TATDN1: variants seen among roughly 807,000 people sequenced by gnomAD.
TATDN1 encodes the protein deoxyribonuclease TATDN1.
A neutral mutation model predicts 46.4 loss-of-function variants in TATDN1; 40 were observed. The ratio of observed to expected loss-of-function variants is 0.86; its 90% CI spans 0.67 to 1.12. TATDN1 has a LOEUF of 1.12. Among genes scored for constraint, TATDN1 ranks in the 50% most tolerant of loss-of-function variants. The probability of loss-of-function intolerance (pLI) is 0.00; values close to 1 mark genes in which losing one functional copy is unlikely to be tolerated. For synonymous variants in TATDN1, 95 were observed against 105.6 expected, an observed-to-expected ratio of 0.90 and a Z score of 0.62; for missense variants, 326 against 348.4, an observed-to-expected ratio of 0.94 and a Z score of 0.51.
At chr8:124,529,090 C>G (rs1250879809) in intron 1 of TATDN1, among the ~76,000 whole-genome samples, 1 of 152,170 alleles carries the variant, frequency 6.6e-6, no homozygotes, top group Non-Finnish European at 1.5e-5. Flanking sequence ...TCCCTGCTTT[C>G]ACACCACTGT....
intron 6 of TATDN1, among the ~76,000 whole-genome samples, chr8:124,510,227 T>C: frequency 6.6e-6 from 1 of 152,102 alleles, no homozygotes; most frequent in East Asian, 1.9e-4. Flanking sequence ...AACGACAACT[T>C]GGACAAAAAG....
At chr8:124,532,389 T>A (rs1041984901) in intron 1 of TATDN1, among the ~76,000 whole-genome samples, 36 of 152,322 alleles carry the variant, frequency 2.4e-4, no homozygotes, top group African/African-American at 8.7e-4. Context: ...GCTCAAGTGA[T>A]TCTCCTGCCT....
At chr8:124,500,275 T>C (rs1817841380) in intron 9 of TATDN1, among the ~76,000 whole-genome samples, 1 of 152,198 alleles carries the variant, frequency 6.6e-6, no homozygotes, top group Non-Finnish European at 1.5e-5. Flanking sequence ...TGAATTAGAT[T>C]TGAAAATAAG....
intron 3 of TATDN1, among the ~76,000 whole-genome samples, chr8:124,520,002 G>C (rs1819884748): frequency 6.6e-6 from 1 of 152,130 alleles, no homozygotes; most frequent in African/African-American, 2.4e-5. Context: ...GTACAACTTA[G>C]GGAGAAAACA....
chr8:124,508,813 A>G (rs1818746443), intron 6 of TATDN1, 125 bp from the exon 7 acceptor site: 1 of 629,506 alleles, frequency 1.6e-6, no homozygotes, highest in East Asian at 2.9e-5. Context: ...GACAAAAATC[A>G]TGAATATTTA....
Position 124,509,245 on chromosome 8 carries a change from T to C in TATDN1, c.390-557A>G, listed in dbSNP as rs149712142. Among the ~76,000 whole-genome samples the C allele has an allele frequency of 7.9e-3, 1,198 of 152,318 alleles. 8 individuals are homozygous for C. Among genetic ancestry groups the C allele is most frequent in the Non-Finnish European group, 0.012 (827 of 68,034 alleles). ...AGGTTTTTCCAAGTACCAGATACCA[T>C]TGTCTCATTTGATCCTCAAAATAAC... On this transcript the variant is annotated intron_variant, in intron 6 of 11. Coordinates refer to ENST00000276692, the MANE Select transcript of TATDN1 (RefSeq NM_032026.4).
intron 6 of TATDN1, among the ~76,000 whole-genome samples, chr8:124,512,874 T>C (rs73340071): frequency 0.1 from 15,411 of 152,166 alleles, 2,585 homozygotes; most frequent in African/African-American, 0.35. Context: ...ATGTGGGTAT[T>C]TGTTTCCTTA....
At chr8:124,523,116 T>C (rs1248957648) in intron 1 of TATDN1, 114 bp from the exon 2 acceptor site, 3 of 808,300 alleles carry the variant, frequency 3.7e-6, no homozygotes, top group Non-Finnish European at 6.1e-6. Flanking sequence ...ACTCAAACAA[T>C]ATCCAAGTGC....
At chr8:124,488,817 C>T (rs1816644169) in intron 11 of TATDN1, 121 bp from the exon 12 acceptor site, 1 of 662,120 alleles carries the variant, frequency 1.5e-6, no homozygotes, top group Non-Finnish European at 2.7e-6. Flanking sequence ...TAAAGCTTAA[C>T]AGTTATTAAG....
rs146443446 is a variant in TATDN1, at chr8:124,519,747, C to T, written c.139-866G>A. 2.8e-3 allele frequency among the ~76,000 whole-genome samples: 429 copies of T among 152,258 alleles called. 1 individual carries two copies. Among genetic ancestry groups the T allele is most frequent in the African/African-American group, 9.6e-3 (400 of 41,548 alleles). Reference sequence around the variant, plus strand: ...TGCTAATGAATTCTCTGTAGGAAAACGTATGGCTTTTGGCAAATAAGCATA... The same window carrying T: ...TGCTAATGAATTCTCTGTAGGAAAATGTATGGCTTTTGGCAAATAAGCATA... On this transcript the variant is annotated intron_variant, in intron 3 of 11. Transcript: ENST00000276692.
intron 9 of TATDN1, among the ~76,000 whole-genome samples, chr8:124,499,566 A>C (rs1248955101): frequency 1.3e-5 from 2 of 151,792 alleles, no homozygotes; most frequent in Non-Finnish European, 1.5e-5. Flanking sequence ...TTTTTTTGAG[A>C]TGGAGTCTCA....
chr8:124,493,043 G>C (rs1167690995), intron 11 of TATDN1, among the ~76,000 whole-genome samples: 2 of 151,978 alleles, frequency 1.3e-5, no homozygotes, highest in Non-Finnish European at 2.9e-5. Flanking sequence ...ATTCTTCACT[G>C]TTCTTATCTG....
At chr8:124,525,066 A>C (rs747728214) in intron 1 of TATDN1, among the ~76,000 whole-genome samples, 20 of 152,212 alleles carry the variant, frequency 1.3e-4, no homozygotes, top group Non-Finnish European at 4.4e-5. Context: ...AGAAGCACTT[A>C]AAGGCCATGC....
intron 3 of TATDN1, among the ~76,000 whole-genome samples, chr8:124,519,160 A>G (rs886744329): frequency 3.9e-5 from 6 of 152,202 alleles, no homozygotes; most frequent in African/African-American, 7.2e-5. Context: ...CTATTAGACA[A>G]TGCATTCCTT....
chr8:124,508,467 T>C lies in TATDN1; in HGVS notation c.516+7A>G, dbSNP rs1445019162. 6.2e-7 allele frequency: 1 copy of C among 1,611,490 alleles called. No individual in the cohort carries two copies. Among genetic ancestry groups the C allele is most frequent in the Non-Finnish European group, 8.5e-7 (1 of 1,178,258 alleles). ...ACCTGTATTAAAAATGACTATTTTA[T>C]ACTTACCACTCCCCCTACACACCGA... On this transcript the variant is annotated splice_region_variant and intron_variant, in intron 8 of 11. Transcript: ENST00000276692.
chr8:124,495,318 C>T (rs999132009), intron 10 of TATDN1, 154 bp downstream of exon 10: 11 of 638,276 alleles, frequency 1.7e-5, no homozygotes, highest in Non-Finnish European at 2.7e-5. Context: ...CATTAATAAC[C>T]CCCAAAGATC....
chr8:124,501,420 T>C (rs1457551182), intron 9 of TATDN1, among the ~76,000 whole-genome samples: 1 of 152,160 alleles, frequency 6.6e-6, no homozygotes, highest in African/African-American at 2.4e-5. Context: ...GCTTTTTTTT[T>C]TCTTTTTTTA....
chr8:124,514,075 G>C (rs534706135), intron 6 of TATDN1, among the ~76,000 whole-genome samples: 1 of 152,216 alleles, frequency 6.6e-6, no homozygotes, highest in South Asian at 2.1e-4. Flanking sequence ...ACAAATGAGC[G>C]ACCTAAAAGA....
intron 1 of TATDN1, among the ~76,000 whole-genome samples, chr8:124,529,041 A>C (rs1820737212): frequency 6.6e-6 from 1 of 152,224 alleles, no homozygotes; most frequent in African/African-American, 2.4e-5. Context: ...GTTGCTTGGC[A>C]ATGGTCATGA....
Sources: allele counts gnomAD v4.1 joint callset (sites outside exome capture counted in the v4.1 genomes callset), GRCh38; gene constraint gnomAD v4.1.1; transcripts MANE v1.5; gene names NCBI Gene and HGNC (gene_info 2026-07-23, HGNC 2026-07-21).